Variants in HERC5 observed in about 807,000 individuals in gnomAD.
HERC5 encodes the protein E3 ISG15--protein ligase HERC5.
A neutral mutation model predicts 119.6 loss-of-function variants in HERC5; 99 were observed. The observed-to-expected ratio is 0.83, with a 90% CI of 0.70 to 0.98. HERC5 has a LOEUF of 0.98. HERC5 is among the 50% of genes least tolerant of loss of function. The probability of loss-of-function intolerance (pLI) is 0.00; values close to 1 mark genes in which losing one functional copy is unlikely to be tolerated. For missense variants in HERC5, 1,267 were observed against 1,241.3 expected (o/e 1.02, Z -0.31); for synonymous variants, 478 against 445.9 (o/e 1.07, Z -0.91).
At chr4:88,472,166 C>G (rs966908648) in intron 10 of HERC5, among the ~76,000 whole-genome samples, 1 of 151,842 alleles carries the variant, frequency 6.6e-6, no homozygotes, top group African/African-American at 2.4e-5. Context: ...TTTTTTTAAT[C>G]TATTACAGAT....
At chr4:88,461,294 G>T (rs528378097) in intron 3 of HERC5, among the ~76,000 whole-genome samples, 37 of 152,272 alleles carry the variant, frequency 2.4e-4, no homozygotes, top group South Asian at 8.3e-4. Flanking sequence ...AAACACACAA[G>T]CCCTGCCTTT....
chr4:88,489,126 G>T, intron 15 of HERC5, 40 bp from the exon 16 acceptor site: 1 of 1,552,734 alleles, frequency 6.4e-7, no homozygotes, highest in South Asian at 1.2e-5. Context: ...GAGGGCCAAT[G>T]GTAAAATGAA....
intron 16 of HERC5, among the ~76,000 whole-genome samples, chr4:88,491,713 A>G (rs1741644307): frequency 6.6e-6 from 1 of 152,090 alleles, no homozygotes; most frequent in African/African-American, 2.4e-5. Flanking sequence ...ATATCTCTGA[A>G]GTTTGGCAAG....
At chr4:88,461,135 A>G (rs1266694708) in intron 3 of HERC5, among the ~76,000 whole-genome samples, 1 of 152,228 alleles carries the variant, frequency 6.6e-6, no homozygotes, top group East Asian at 1.9e-4. Context: ...ATTCAAGGGA[A>G]GTTAATAATT....
At chr4:88,470,776 T>C (rs1360180068) in intron 10 of HERC5, 103 bp downstream of exon 10, 15 of 502,924 alleles carry the variant, frequency 3.0e-5, no homozygotes, top group African/African-American at 6.0e-5. Flanking sequence ...TTCATCCCTT[T>C]TTAAAAATTT....
At chr4:88,488,629 T>A (rs1741541963) in intron 15 of HERC5, among the ~76,000 whole-genome samples, 1 of 152,096 alleles carries the variant, frequency 6.6e-6, no homozygotes, top group East Asian at 1.9e-4. Flanking sequence ...TCCCTGCTTG[T>A]CTCTCTTCAA....
At chr4:88,469,296 A>G (rs375122262) in intron 9 of HERC5, 36 bp downstream of exon 9, 1 of 1,360,252 alleles carries the variant, frequency 7.4e-7, no homozygotes, top group Non-Finnish European at 1.1e-6. Context: ...CTTATATATC[A>G]CTCTCAAGTA....
rs117571651 is a variant in HERC5, at chr4:88,469,528, C to A, written c.1238+268C>A. The stretch of plus-strand genomic sequence containing the variant: ...GCAAGTCCAAAATCTGTAGGGCAGG[C>A]CAGCAGGCTGGAGACTTGGGGAGGA... On this transcript the variant is annotated intron_variant, in intron 9 of 22. Transcript: ENST00000264350. 2.0e-4 allele frequency among the ~76,000 whole-genome samples: 30 copies of A among 152,206 alleles called. 1 individual carries two copies. The East Asian group carries it at 5.2e-3, about 26-fold the overall frequency.
chr4:88,467,117 A>G lies in HERC5; in HGVS notation c.970A>G (p.Lys324Glu), dbSNP rs768101045. The change falls in exon 7 of 23, where the codon AAA (lysine) becomes GAA (glutamate). Residue 324 changes from lysine to glutamate, a missense_variant. Around this residue, in one of 3 missense-constraint regions of HERC5, gnomAD observed 777 missense variants for 758.0 expected, o/e 1.03. Coordinates refer to ENST00000264350, the MANE Select transcript of HERC5 (RefSeq NM_016323.4). ...AAAGGTCTTTTCCTTTGGTTCTGGA[A>G]AAGATGGACAACTGGGAAATGGTGG... is the stretch of plus-strand genomic sequence containing the variant. ...LGKVFSFGSGKDGQLGNGGTR... is the reference protein window; with the variant it reads ...LGKVFSFGSGEDGQLGNGGTR... The G allele has an allele frequency of 1.8e-5, 29 of 1,614,078 alleles. No homozygotes were observed. Among genetic ancestry groups the G allele is most frequent in the Non-Finnish European group, 2.5e-5 (29 of 1,180,036 alleles).
At chr4:88,477,143 C>G (rs186127569) in intron 12 of HERC5, among the ~76,000 whole-genome samples, 38 of 137,690 alleles carry the variant, frequency 2.8e-4, no homozygotes, top group African/African-American at 8.8e-4. Context: ...AACTTCATCT[C>G]TACTAAAAAT....
At chr4:88,500,198 T>TA (rs1741908069) in intron 19 of HERC5, among the ~76,000 whole-genome samples, 1 of 152,322 alleles carries the variant, frequency 6.6e-6, no homozygotes, top group South Asian at 2.1e-4. Flanking sequence ...AAAGAACAAA[T>TA]ACAATTTTGT....
Position 88,460,123 on chromosome 4 carries a change from AT to A in HERC5, c.419del (p.Ile140LysfsTer84), listed in dbSNP as rs1281326095. On this transcript the variant is annotated frameshift_variant, in exon 3 of 23. Coordinates refer to ENST00000264350, the MANE Select transcript of HERC5 (RefSeq NM_016323.4). LOFTEE classifies it high-confidence loss of function. The part of the protein sequence containing the change: ...RFESILQEKK[I>X]IQITCGDYHS... The stretch of plus-strand genomic sequence containing the variant: ...TGAAAGCATTTTACAAGAAAAAAAA[AT>A]AATTCAGATCACATGTGGAGATTAC... The A allele has an allele frequency of 3.8e-6, 6 of 1,586,840 alleles. No homozygotes were observed. Among genetic ancestry groups the A allele is most frequent in the South Asian group, 2.2e-5 (2 of 89,206 alleles).
Position 88,463,890 on chromosome 4 carries a change from T to C in HERC5, c.816T>C (p.His272=). The C allele has an allele frequency of 6.2e-7, 1 of 1,614,136 alleles. No individual in the cohort carries two copies. The highest frequency in any genetic ancestry group is 8.5e-7 in the Non-Finnish European group (1 of 1,180,018). The change falls in exon 6 of 23, where the codon CAT becomes CAC. Residue 272 remains histidine (H), a synonymous_variant. Transcript: ENST00000264350. ...GLLFTFGAGK[H]GQLGHNSTQN... is the part of the protein sequence containing the mutation. Reference sequence around the variant, plus strand: ...TGTTTACTTTCGGTGCTGGAAAACATGGGCAACTTGGTCATAATTCAACAC... The same window carrying C: ...TGTTTACTTTCGGTGCTGGAAAACACGGGCAACTTGGTCATAATTCAACAC...
chr4:88,487,122 C>T lies in HERC5; in HGVS notation c.1905C>T (p.Ile635=), dbSNP rs950323888. ...CCVIFSHFPF[I]FNNLSKIKLL... ...TCATATTCAGTCACTTTCCATTTAT[C>T]TTTAATAATCTGTCGAAAATTAAAC... The change falls in exon 15 of 23, where the codon ATC becomes ATT. Residue 635 remains isoleucine, a synonymous_variant. Transcript: ENST00000264350. 6.2e-7 allele frequency: 1 copy of T among 1,611,496 alleles called. No individual in the cohort carries two copies. The highest frequency in any genetic ancestry group is 1.3e-5 in the African/African-American group (1 of 74,850).
chr4:88,502,134 A>G (rs1741966895), intron 20 of HERC5, among the ~76,000 whole-genome samples: 1 of 151,924 alleles, frequency 6.6e-6, no homozygotes, highest in East Asian at 1.9e-4. Context: ...GTGTATTTCA[A>G]GTTTTGGACT....
chr4:88,497,408 G>A (rs1415333548), intron 18 of HERC5, among the ~76,000 whole-genome samples: 1 of 152,148 alleles, frequency 6.6e-6, no homozygotes, highest in Admixed American at 6.5e-5. Flanking sequence ...GGTCTCAGAT[G>A]GAAGTGAGGA....
chr4:88,494,300 G>A lies in HERC5; in HGVS notation c.2413G>A (p.Asp805Asn). 1 of 1,613,190 alleles carries A rather than the reference G, an allele frequency of 6.2e-7. No individual in the cohort carries two copies. The highest frequency in any genetic ancestry group is 8.5e-7 in the Non-Finnish European group (1 of 1,179,718). The stretch of plus-strand genomic sequence containing the variant: ...TTTGGACCAAATGCCATCATTGGAA[G>A]ACTTGAAAGAACTCAGTCCTGATTT... ...KLLDQMPSLE[D>N]LKELSPDLGK... is the part of the protein sequence containing the mutation. Residue 805 changes from aspartate (D) to asparagine (N), a missense_variant, in exon 18 of 23, where the codon GAC (aspartate) becomes AAC (asparagine). Physicochemically the swap from Asp to Asn is conservative, Grantham distance 23. Coordinates refer to ENST00000264350, the MANE Select transcript of HERC5 (RefSeq NM_016323.4).
intron 1 of HERC5, among the ~76,000 whole-genome samples, chr4:88,458,766 T>G (rs895007054): frequency 6.6e-6 from 1 of 152,218 alleles, no homozygotes; most frequent in Non-Finnish European, 1.5e-5. Flanking sequence ...GTGGACAGTT[T>G]AATCTCTTAA....
intron 9 of HERC5, 31 bp downstream of exon 9, chr4:88,469,291 A>AT (rs757389006): frequency 1.4e-6 from 2 of 1,401,848 alleles, no homozygotes; most frequent in Non-Finnish European, 2.0e-6. Context: ...CTCTGCTTAT[A>AT]TATCACTCTC....
Sources: gnomAD v4.1 joint callset for allele counts (sites outside exome capture counted in the v4.1 genomes callset) on GRCh38, gnomAD v4.1.1 for gene constraint, gnomAD v4.1.1 regional missense constraint, MANE v1.5 for transcripts, NCBI Gene and HGNC (gene_info 2026-07-23, HGNC 2026-07-21) for gene names.